CNBD1: variants seen among roughly 807,000 people sequenced by gnomAD.
CNBD1 encodes the protein cyclic nucleotide-binding domain-containing protein 1.
CNBD1 carries 71 observed loss-of-function variants against 54.4 expected under a neutral mutation model. That is an observed-to-expected ratio of 1.30 (90% CI 1.08 to 1.59). The LOEUF is 1.59. Ranked by LOEUF, CNBD1 falls within the 40% of genes most tolerant of loss-of-function variation. The pLI, the probability that CNBD1 is intolerant of heterozygous loss-of-function variation, is 0.00. For missense variants in CNBD1, 659 were observed against 518.0 expected, an observed-to-expected ratio of 1.27 and a Z score of -2.64; for synonymous variants, 182 against 170.7, an observed-to-expected ratio of 1.07 and a Z score of -0.51.
chr8:87,087,234 C>CATATATATATACGTATAT lies in CNBD1; in HGVS notation c.432-118749_432-118732dup, dbSNP rs1554553567. On this transcript the variant is annotated intron_variant, in intron 4 of 10. Coordinates refer to ENST00000518476, the MANE Select transcript of CNBD1 (RefSeq NM_173538.3). The stretch of plus-strand genomic sequence containing the variant: ...CCAGTATCTATTCTACACACACACA[C>CATATATATATACGTATAT]ATATATATATACGTATATATATATA... Among the ~76,000 whole-genome samples the CATATATATATACGTATAT allele has an allele frequency of 3.9e-3, 540 of 138,762 alleles. 8 individuals are homozygous for CATATATATATACGTATAT. The highest frequency in any genetic ancestry group is 0.015 in the African/African-American group (524 of 35,688). 91.0% of individuals were successfully genotyped at this position (138,762 alleles called of 152,430 possible). A position where few individuals can be genotyped will look rare whatever the true frequency, so the allele number is the denominator to read the frequency against.
intron 4 of CNBD1, among the ~76,000 whole-genome samples, chr8:87,098,891 G>A (rs998403934): frequency 1.3e-5 from 2 of 151,376 alleles, no homozygotes; most frequent in South Asian, 2.1e-4. Flanking sequence ...AAAAAAATTA[G>A]CCAGGCGTGG....
intron 4 of CNBD1, among the ~76,000 whole-genome samples, chr8:87,019,437 G>C (rs1809436743): frequency 6.6e-6 from 1 of 152,100 alleles, no homozygotes; most frequent in Non-Finnish European, 1.5e-5. Context: ...CCAGTATATG[G>C]TGCAATACAA....
intron 2 of CNBD1, among the ~76,000 whole-genome samples, chr8:87,400,414 G>T (rs913320977): frequency 2.6e-5 from 4 of 151,852 alleles, no homozygotes; most frequent in African/African-American, 9.7e-5. Flanking sequence ...AAACTGAAAA[G>T]AAAAAATCAA....
chr8:87,030,937 CCCCCTCCT>C (rs1809774409), intron 4 of CNBD1, among the ~76,000 whole-genome samples: 1 of 104,374 alleles, frequency 9.6e-6, no homozygotes, highest in African/African-American at 3.9e-5. Flanking sequence ...TGCCCCCCTT[CCCCCTCCT>C]CCCCCTCTTC....
chr8:87,331,038 A>G (rs1262732788), intron 8 of CNBD1, among the ~76,000 whole-genome samples: 2 of 152,018 alleles, frequency 1.3e-5, no homozygotes, highest in African/African-American at 2.4e-5. Flanking sequence ...CATATTTGTT[A>G]GTTTTCTTTT....
intron 4 of CNBD1, among the ~76,000 whole-genome samples, chr8:86,990,766 A>G (rs1254523925): frequency 6.6e-6 from 1 of 152,154 alleles, no homozygotes; most frequent in Non-Finnish European, 1.5e-5. Context: ...CATTGAATCT[A>G]TAGATTGCTT....
intron 4 of CNBD1, among the ~76,000 whole-genome samples, chr8:87,072,740 A>AT (rs917114895): frequency 1.0e-4 from 15 of 146,512 alleles, no homozygotes; most frequent in African/African-American, 2.3e-4. Flanking sequence ...TGCCCTTGAT[A>AT]TTTTTTTTTC....
chr8:87,074,239 C>T (rs1810819123), intron 4 of CNBD1, among the ~76,000 whole-genome samples: 1 of 151,908 alleles, frequency 6.6e-6, no homozygotes, highest in African/African-American at 2.4e-5. Flanking sequence ...CTGAGTTGAC[C>T]AAACCACAGA....
intron 10 of CNBD1, among the ~76,000 whole-genome samples, chr8:87,382,265 T>C (rs1418040888): frequency 6.6e-6 from 1 of 152,064 alleles, no homozygotes; most frequent in East Asian, 1.9e-4. Flanking sequence ...GATTTTACAT[T>C]CATATGAAAC....
chr8:87,151,241 G>A (rs1306847350), intron 4 of CNBD1, among the ~76,000 whole-genome samples: 2 of 152,088 alleles, frequency 1.3e-5, no homozygotes, highest in Admixed American at 6.5e-5. Flanking sequence ...CAATTTAGAT[G>A]GGGTGCGTAC....
At chr8:87,007,492 T>A (rs1809127502) in intron 4 of CNBD1, among the ~76,000 whole-genome samples, 2 of 152,198 alleles carry the variant, frequency 1.3e-5, no homozygotes, top group Non-Finnish European at 2.9e-5. Flanking sequence ...TTTTAGCAGC[T>A]GAAGTATGAA....
chr8:87,009,159 G>C (rs1169538166), intron 4 of CNBD1, among the ~76,000 whole-genome samples: 1 of 151,736 alleles, frequency 6.6e-6, no homozygotes, highest in Non-Finnish European at 1.5e-5. Flanking sequence ...TGATAAATTA[G>C]TGCCTTTATA....
At chr8:87,361,709 T>TATATATATATATATATATATATA (rs1554582984) in intron 10 of CNBD1, among the ~76,000 whole-genome samples, 2 of 150,260 alleles carry the variant, frequency 1.3e-5, no homozygotes, top group African/African-American at 2.4e-5. Flanking sequence ...TATATATATA[T>TATATATATATATATATATATATA]TCTTGTTCAC....
chr8:87,242,420 G>A (rs1395565861), intron 6 of CNBD1, among the ~76,000 whole-genome samples: 1 of 151,968 alleles, frequency 6.6e-6, no homozygotes, highest in Admixed American at 6.6e-5. Flanking sequence ...TAAGAACTTT[G>A]GTAGCCACAA....
chr8:87,274,763 C>T (rs2130861130), intron 6 of CNBD1, among the ~76,000 whole-genome samples: 1 of 133,758 alleles, frequency 7.5e-6, no homozygotes, highest in East Asian at 2.0e-4. Context: ...TGCAGAAGCT[C>T]TTTAGTTTAA....
chr8:87,106,953 C>A (rs780885085), intron 4 of CNBD1, among the ~76,000 whole-genome samples: 1 of 151,950 alleles, frequency 6.6e-6, no homozygotes, highest in Non-Finnish European at 1.5e-5. Context: ...CTCAACCTCC[C>A]GAGTAGCTGG....
chr8:87,147,963 C>T (rs1333744796), intron 4 of CNBD1, among the ~76,000 whole-genome samples: 3 of 152,016 alleles, frequency 2.0e-5, no homozygotes, highest in South Asian at 2.1e-4. Flanking sequence ...GGATACCTTT[C>T]TGAAAAGGGT....
chr8:87,283,340 C>T (rs1411630734), intron 6 of CNBD1, among the ~76,000 whole-genome samples: 2 of 151,726 alleles, frequency 1.3e-5, no homozygotes, highest in African/African-American at 2.4e-5. Context: ...ATTTTTTTCT[C>T]CTTCTTCATG....
At chr8:87,000,447 A>C (rs2130543812) in intron 4 of CNBD1, among the ~76,000 whole-genome samples, 1 of 152,290 alleles carries the variant, frequency 6.6e-6, no homozygotes. Context: ...ACTCTAATAC[A>C]AGTATGGTCT....
Sources: gnomAD v4.1 joint callset for allele counts (sites outside exome capture counted in the v4.1 genomes callset) on GRCh38, gnomAD v4.1.1 for gene constraint, MANE v1.5 for transcripts, NCBI Gene and HGNC (gene_info 2026-07-23, HGNC 2026-07-21) for gene names.